Variants in IQCJ observed in about 807,000 individuals in gnomAD.
IQCJ encodes IQ motif containing J.
IQCJ carries 9 observed loss-of-function variants against 11.0 expected under a neutral mutation model. That is an observed-to-expected ratio of 0.82 (90% CI 0.49 to 1.43). The LOEUF (loss-of-function observed/expected upper bound fraction) is 1.43, where lower values mean the gene tolerates loss of function less well. Ranked by LOEUF, IQCJ falls within the 40% of genes most tolerant of loss-of-function variation. IQCJ has a pLI of 0.00. For missense variants in IQCJ, 146 were observed against 133.2 expected, an observed-to-expected ratio of 1.10 and a Z score of -0.47; for synonymous variants, 55 against 51.3, an observed-to-expected ratio of 1.07 and a Z score of -0.31.
At chr3:159,182,778 T>TA (rs1256123546) in intron 1 of IQCJ, among the ~76,000 whole-genome samples, 4 of 116,978 alleles carry the variant, frequency 3.4e-5, no homozygotes, top group East Asian at 2.2e-4. Context: ...TTTTATTTAT[T>TA]TTATTTTTTT....
At chr3:159,255,075 CT>C (rs1560044505) in intron 3 of IQCJ, among the ~76,000 whole-genome samples, 1 of 152,140 alleles carries the variant, frequency 6.6e-6, no homozygotes, top group African/African-American at 2.4e-5. Context: ...TTTTTTAGTC[CT>C]GAAGAGCATT....
At chr3:159,091,670 GCATGCACACACA>G (rs764264327) in intron 1 of IQCJ, among the ~76,000 whole-genome samples, 7,713 of 62,488 alleles carry the variant, frequency 0.12, 475 homozygotes, top group Admixed American at 0.19. Context: ...ACACACACAC[GCATGCACACACA>G]CACACACACA....
intron 1 of IQCJ, among the ~76,000 whole-genome samples, chr3:159,187,642 G>A (rs1239510725): frequency 1.3e-5 from 2 of 152,168 alleles, no homozygotes; most frequent in African/African-American, 4.8e-5. Flanking sequence ...CCTAGAAGTC[G>A]CTCTTCTTAA....
intron 1 of IQCJ, among the ~76,000 whole-genome samples, chr3:159,228,715 G>A (rs964599516): frequency 6.6e-6 from 1 of 151,720 alleles, no homozygotes; most frequent in Non-Finnish European, 1.5e-5. Flanking sequence ...GGCCAGGAGA[G>A]TGGCGTGAAC....
At chr3:159,233,849 G>GTATT (rs1158954392) in intron 1 of IQCJ, among the ~76,000 whole-genome samples, 1 of 152,178 alleles carries the variant, frequency 6.6e-6, no homozygotes, top group Non-Finnish European at 1.5e-5. Context: ...TCCCCACATA[G>GTATT]TATTGTATAG....
intron 1 of IQCJ, among the ~76,000 whole-genome samples, chr3:159,126,003 G>A (rs1458001567): frequency 6.6e-6 from 1 of 152,232 alleles, no homozygotes. Flanking sequence ...CTCCCAGAAA[G>A]TTATGCTGAG....
At chr3:159,231,819 G>A (rs181821138) in intron 1 of IQCJ, among the ~76,000 whole-genome samples, 229 of 152,270 alleles carry the variant, frequency 1.5e-3, no homozygotes, top group African/African-American at 5.4e-3. Flanking sequence ...CTTGTTATTG[G>A]TCTATTCAGG....
At chr3:159,125,355 G>A (rs1220435887) in intron 1 of IQCJ, among the ~76,000 whole-genome samples, 1 of 152,198 alleles carries the variant, frequency 6.6e-6, no homozygotes, top group African/African-American at 2.4e-5. Flanking sequence ...AAGGAGACAT[G>A]ATGGCTTCAT....
intron 1 of IQCJ, among the ~76,000 whole-genome samples, chr3:159,185,382 T>C (rs1182430768): frequency 6.6e-6 from 1 of 152,292 alleles, no homozygotes; most frequent in Non-Finnish European, 1.5e-5. Context: ...TTCAGCATTC[T>C]AGTCTCTGTG....
chr3:159,165,321 C>T (rs1199480872), intron 1 of IQCJ, among the ~76,000 whole-genome samples: 1 of 152,192 alleles, frequency 6.6e-6, no homozygotes, highest in Non-Finnish European at 1.5e-5. Flanking sequence ...TATTAGTCCA[C>T]CCAGATGGCA....
intron 1 of IQCJ, among the ~76,000 whole-genome samples, chr3:159,176,345 T>C (rs1363266773): frequency 2.0e-5 from 3 of 152,140 alleles, no homozygotes. Context: ...TTAAAATATC[T>C]TTTCCCTTAG....
intron 1 of IQCJ, among the ~76,000 whole-genome samples, chr3:159,101,670 G>A: frequency 6.6e-6 from 1 of 152,074 alleles, no homozygotes; most frequent in Non-Finnish European, 1.5e-5. Flanking sequence ...CTCCTTTTTG[G>A]ACATGGACTC....
intron 1 of IQCJ, among the ~76,000 whole-genome samples, chr3:159,083,626 T>G (rs1002196409): frequency 6.6e-6 from 1 of 152,096 alleles, no homozygotes; most frequent in Non-Finnish European, 1.5e-5. Context: ...CTCACAAAAA[T>G]GAAAACTGTA....
chr3:159,265,136 C>A, downstream of IQCJ: 1 of 1,197,704 alleles, frequency 8.3e-7, no homozygotes, highest in South Asian at 1.6e-5. Context: ...ATATCCAAGT[C>A]ACAGTTTAAA....
chr3:159,166,315 A>C (rs1433103147), intron 1 of IQCJ, among the ~76,000 whole-genome samples: 1 of 152,212 alleles, frequency 6.6e-6, no homozygotes, highest in East Asian at 1.9e-4. Context: ...ATCTTCAAAG[A>C]TGCAGTTTTA....
intron 1 of IQCJ, among the ~76,000 whole-genome samples, chr3:159,241,176 G>A (rs992604730): frequency 3.5e-4 from 53 of 152,066 alleles, no homozygotes; most frequent in African/African-American, 1.2e-3. Flanking sequence ...TTGGGAGGCC[G>A]AGGCAGGCGG....
chr3:159,149,067 TAAAC>T (rs940592852), intron 1 of IQCJ, among the ~76,000 whole-genome samples: 4 of 152,228 alleles, frequency 2.6e-5, no homozygotes, highest in African/African-American at 4.8e-5. Context: ...ATAATTAAAA[TAAAC>T]AAATGACTAA....
intron 1 of IQCJ, among the ~76,000 whole-genome samples, chr3:159,194,449 T>C (rs1056008156): frequency 2.0e-5 from 3 of 152,204 alleles, no homozygotes; most frequent in Non-Finnish European, 1.5e-5. Context: ...GTCAGATCCA[T>C]TGCTGTAAGG....
At chr3:159,083,207 G>T (rs546035405) in intron 1 of IQCJ, among the ~76,000 whole-genome samples, 2 of 152,210 alleles carry the variant, frequency 1.3e-5, no homozygotes, top group South Asian at 4.2e-4. Context: ...TTTGCAAATG[G>T]CATATCTAAC....
Sources: gnomAD v4.1 joint callset for allele counts (sites outside exome capture counted in the v4.1 genomes callset) on GRCh38, gnomAD v4.1.1 for gene constraint, MANE v1.5 for transcripts, NCBI Gene and HGNC (gene_info 2026-07-23, HGNC 2026-07-21) for gene names.